BBS9: variants seen among roughly 807,000 people sequenced by gnomAD.
The protein encoded by BBS9 is protein PTHB1.
In BBS9, 89 loss-of-function variants were observed where a neutral mutation model predicts 117.7. That is an observed-to-expected ratio of 0.76 (90% CI 0.64 to 0.90). BBS9 has a LOEUF of 0.90. Ranked by LOEUF, BBS9 falls within the 40% of genes least tolerant of loss-of-function variation. The pLI is 0.00. For synonymous variants in BBS9, 379 were observed against 370.9 expected, an observed-to-expected ratio of 1.02 and a Z score of -0.25; for missense variants, 982 against 1,042.2, an observed-to-expected ratio of 0.94 and a Z score of 0.80.
rs187032047 is a variant in BBS9 at position 33,343,414 on chromosome 7, G to A, written c.1276-1167G>A. Among the ~76,000 whole-genome samples, 269 of 152,234 alleles carry A rather than the reference G, an allele frequency of 1.8e-3. 4 individuals are homozygous for A. The South Asian group carries it at 0.032, about 18-fold the overall frequency. The stretch of plus-strand genomic sequence containing the variant: ...GAAGGAGCAGGTAACACGAGGTGAC[G>A]CTCAAAGAATGCCTATTGAATTAGT... On this transcript the variant is annotated intron_variant, in intron 11 of 22. Transcript: ENST00000242067.
intron 21 of BBS9, among the ~76,000 whole-genome samples, chr7:33,603,105 T>C (rs1041178806): frequency 6.6e-6 from 1 of 152,162 alleles, no homozygotes; most frequent in Non-Finnish European, 1.5e-5. Context: ...TAACTGCTCA[T>C]CAAACTCGCT....
At chr7:33,271,080 T>G (rs909640016) in intron 7 of BBS9, among the ~76,000 whole-genome samples, 1 of 152,120 alleles carries the variant, frequency 6.6e-6, no homozygotes, top group African/African-American at 2.4e-5. Flanking sequence ...AGAAAAAATA[T>G]TCAACCAAGA....
chr7:33,551,783 G>C (rs1055718837), intron 21 of BBS9, among the ~76,000 whole-genome samples: 4 of 152,168 alleles, frequency 2.6e-5, no homozygotes, highest in Admixed American at 6.5e-5. Flanking sequence ...AAGAATGCCA[G>C]CTGTTGACCA....
intron 5 of BBS9, among the ~76,000 whole-genome samples, chr7:33,233,449 T>C (rs1792872677): frequency 1.3e-5 from 2 of 152,164 alleles, no homozygotes; most frequent in South Asian, 4.1e-4. Flanking sequence ...TTGGAATCAT[T>C]AGAGGTTTAT....
intron 5 of BBS9, among the ~76,000 whole-genome samples, chr7:33,240,110 A>G (rs1398951320): frequency 1.3e-5 from 2 of 152,170 alleles, no homozygotes; most frequent in Non-Finnish European, 2.9e-5. Flanking sequence ...CTCATATGCT[A>G]AATTCCCATA....
intron 9 of BBS9, among the ~76,000 whole-genome samples, chr7:33,298,879 A>G (rs143553800): frequency 1.3e-5 from 2 of 152,342 alleles, no homozygotes; most frequent in Admixed American, 6.5e-5. Context: ...GATGCAGTAT[A>G]AAGGAACAAG....
At chr7:33,207,341 A>G (rs1452704098) in intron 5 of BBS9, among the ~76,000 whole-genome samples, 9 of 152,172 alleles carry the variant, frequency 5.9e-5, no homozygotes, top group Non-Finnish European at 1.3e-4. Context: ...TTGGTTCTCA[A>G]TCTTCTACTG....
At chr7:33,281,478 A>G (rs1044821552) in intron 9 of BBS9, among the ~76,000 whole-genome samples, 6 of 148,106 alleles carry the variant, frequency 4.1e-5, no homozygotes, top group Admixed American at 3.4e-4. Flanking sequence ...AGTTCAAGCA[A>G]TCCTCTCACT....
intron 9 of BBS9, among the ~76,000 whole-genome samples, chr7:33,321,159 T>C (rs538527467): frequency 6.6e-6 from 1 of 152,284 alleles, no homozygotes; most frequent in East Asian, 1.9e-4. Context: ...TAATTTGAAG[T>C]CGGGTAATGT....
At chr7:33,217,017 C>T (rs900716362) in intron 5 of BBS9, among the ~76,000 whole-genome samples, 4 of 152,102 alleles carry the variant, frequency 2.6e-5, no homozygotes, top group Admixed American at 6.5e-5. Context: ...ATGGTTTGAA[C>T]CCGGGAGGTG....
At chr7:33,533,856 A>T (rs73690906) in intron 20 of BBS9, 98 bp from the exon 21 acceptor site, 1 of 1,383,480 alleles carries the variant, frequency 7.2e-7, no homozygotes, top group African/African-American at 1.4e-5. Context: ...GGTTCCCAAC[A>T]CTTGAACATA....
chr7:33,537,407 A>G (rs77571941), intron 21 of BBS9, among the ~76,000 whole-genome samples: 1,880 of 152,192 alleles, frequency 0.012, 48 homozygotes, highest in South Asian at 0.096. Flanking sequence ...ACTTTTACCA[A>G]TTCTCTATCA....
intron 21 of BBS9, among the ~76,000 whole-genome samples, chr7:33,630,802 GCACT>G (rs72342805): frequency 0.58 from 87,531 of 151,524 alleles, 28,539 homozygotes; most frequent in Non-Finnish European, 0.75. Flanking sequence ...CCTGCCTTCT[GCACT>G]CACTCATTTA....
intron 10 of BBS9, among the ~76,000 whole-genome samples, chr7:33,337,923 C>A (rs1815717162): frequency 6.6e-6 from 1 of 151,708 alleles, no homozygotes; most frequent in African/African-American, 2.4e-5. Flanking sequence ...AGTAATGTTC[C>A]AATAATATTT....
intron 19 of BBS9, among the ~76,000 whole-genome samples, chr7:33,406,972 A>G (rs989476248): frequency 6.6e-6 from 1 of 151,960 alleles, no homozygotes. Flanking sequence ...CTGAATCTGA[A>G]TGTTGGCCTG....
intron 19 of BBS9, among the ~76,000 whole-genome samples, chr7:33,411,011 G>GTTTTTTTTTTTTTTTTTTTT (rs765425062): frequency 5.2e-5 from 5 of 96,424 alleles, no homozygotes; most frequent in African/African-American, 1.4e-4. Flanking sequence ...AAATGTTGGT[G>GTTTTTTTTTTTTTTTTTTTT]TTTTTTTTTT....
intron 19 of BBS9, among the ~76,000 whole-genome samples, chr7:33,465,469 T>A (rs1840029828): frequency 6.6e-6 from 1 of 152,128 alleles, no homozygotes; most frequent in Non-Finnish European, 1.5e-5. Flanking sequence ...TGAAGGATTG[T>A]TCCTTCTTTG....
At chr7:33,231,095 C>T (rs1389535422) in intron 5 of BBS9, among the ~76,000 whole-genome samples, 1 of 152,092 alleles carries the variant, frequency 6.6e-6, no homozygotes, top group East Asian at 1.9e-4. Context: ...TTCTTTTATC[C>T]ATTTTGGATT....
At chr7:33,531,839 A>T (rs1467127858) in intron 20 of BBS9, among the ~76,000 whole-genome samples, 1 of 152,374 alleles carries the variant, frequency 6.6e-6, no homozygotes, top group African/African-American at 2.4e-5. Flanking sequence ...GAAGACAGCT[A>T]TGCCTAGGCA....
Sources: gnomAD v4.1 joint callset for allele counts (sites outside exome capture counted in the v4.1 genomes callset) on GRCh38, gnomAD v4.1.1 for gene constraint, MANE v1.5 for transcripts, NCBI Gene and HGNC (gene_info 2026-07-23, HGNC 2026-07-21) for gene names.